CHEK2: variants seen among roughly 807,000 people sequenced by gnomAD.
CHEK2 encodes the protein checkpoint kinase 2, also known as serine/threonine-protein kinase Chk2.
CHEK2 carries 71 observed loss-of-function variants against 69.1 expected under a neutral mutation model. That is an observed-to-expected ratio of 1.03 (90% CI 0.85 to 1.25). The LOEUF is 1.25. Ranked by LOEUF, CHEK2 falls within the 50% of genes most tolerant of loss-of-function variation. The pLI is 0.00. For synonymous variants in CHEK2, 189 were observed against 226.9 expected (o/e 0.83, Z 1.50); for missense variants, 664 against 649.6 (o/e 1.02, Z -0.24).
At chr22:28,721,281 GTT>G (rs755378917) in intron 4 of CHEK2, among the ~76,000 whole-genome samples, 18 of 109,932 alleles carry the variant, frequency 1.6e-4, no homozygotes, top group African/African-American at 3.8e-4. Flanking sequence ...GTTTGTTTGG[GTT>G]TTTTTTTTTT....
intron 8 of CHEK2, 91 bp downstream of exon 8, chr22:28,703,414 G>T: frequency 1.3e-6 from 1 of 759,396 alleles, no homozygotes; most frequent in Non-Finnish European, 2.3e-6. Flanking sequence ...AGGCCCCCCA[G>T]GATGAGAAAG....
At chr22:28,698,228 T>TAAAAAAAAAA (rs398040472) in intron 9 of CHEK2, among the ~76,000 whole-genome samples, 38 of 81,892 alleles carry the variant, frequency 4.6e-4, no homozygotes, top group South Asian at 7.2e-4. Flanking sequence ...CTATCTTTAC[T>TAAAAAAAAAA]AAAAAAAAAA....
At chr22:28,694,758 G>A (rs2052497183) in intron 12 of CHEK2, among the ~76,000 whole-genome samples, 1 of 152,138 alleles carries the variant, frequency 6.6e-6, no homozygotes, top group African/African-American at 2.4e-5. Flanking sequence ...AGGAAACCTT[G>A]TAACTAAAAA....
intron 8 of CHEK2, among the ~76,000 whole-genome samples, chr22:28,702,362 C>T (rs995747763): frequency 1.3e-5 from 2 of 151,388 alleles, no homozygotes; most frequent in Admixed American, 1.3e-4. Context: ...CCTCAGCCTC[C>T]CGAGTAGCTG....
intron 2 of CHEK2, 43 bp from the exon 3 acceptor site, chr22:28,725,410 G>T: frequency 6.2e-7 from 1 of 1,612,768 alleles, no homozygotes; most frequent in Admixed American, 1.7e-5. Flanking sequence ...TGAATTTCAT[G>T]TATCAAACGT....
At chr22:28,724,942 A>C (rs149092712) in intron 4 of CHEK2, 35 bp downstream of exon 4, 23 of 1,612,594 alleles carry the variant, frequency 1.4e-5, no homozygotes, top group Non-Finnish European at 1.8e-5. Flanking sequence ...GAGTGGAAAA[A>C]AAAAATTCCA....
At chr22:28,712,227 T>C in intron 5 of CHEK2, 1 of 588,390 alleles carries the variant, frequency 1.7e-6, no homozygotes, top group Admixed American at 2.9e-5. Context: ...CCAAATTCCA[T>C]TTCTGAGCCC....
chr22:28,706,905 G>A (rs2053174611), intron 7 of CHEK2, among the ~76,000 whole-genome samples: 1 of 152,126 alleles, frequency 6.6e-6, no homozygotes, highest in African/African-American at 2.4e-5. Context: ...AACAGACGGA[G>A]ACTCCATCTC....
intron 2 of CHEK2, among the ~76,000 whole-genome samples, chr22:28,727,743 C>T (rs1475155455): frequency 1.3e-5 from 2 of 152,146 alleles, no homozygotes; most frequent in African/African-American, 4.8e-5. Context: ...CTGGCTCAAA[C>T]ATATGAAAGG....
In CHEK2 at chr22:28,725,372, A is replaced by T. The variant is rs121908700; in HGVS notation, c.320-5T>A. The T allele has an allele frequency of 5.8e-4, 934 of 1,614,106 alleles. 2 individuals are homozygous for T. The highest frequency in any genetic ancestry group is 8.2e-4 in the Admixed American group (49 of 60,014). On this transcript the variant is annotated splice_polypyrimidine_tract_variant and splice_region_variant and intron_variant, in intron 2 of 14. Coordinates refer to ENST00000404276, the MANE Select transcript of CHEK2 (RefSeq NM_007194.4). ...AGTAGTTGTCATTCACACATTCTGT[A>T]ATATAAAAGCATGCATCAGAGGGCT...
intron 5 of CHEK2, among the ~76,000 whole-genome samples, chr22:28,717,614 G>T (rs1179430089): frequency 1.3e-5 from 2 of 151,682 alleles, no homozygotes; most frequent in Non-Finnish European, 2.9e-5. Flanking sequence ...GGTGGCTCAC[G>T]CCTATAATCC....
intron 2 of CHEK2, among the ~76,000 whole-genome samples, chr22:28,730,971 A>T (rs2054197768): frequency 6.6e-6 from 1 of 152,212 alleles, no homozygotes; most frequent in Non-Finnish European, 1.5e-5. Flanking sequence ...TGGGAAGCCA[A>T]GATGGATGTA....
chr22:28,717,735 G>C (rs368685030), intron 5 of CHEK2, among the ~76,000 whole-genome samples: 42 of 151,510 alleles, frequency 2.8e-4, no homozygotes, highest in African/African-American at 8.2e-4. Flanking sequence ...AAATTAGCTG[G>C]GTGTGTGGTG....
intron 1 of CHEK2, among the ~76,000 whole-genome samples, chr22:28,740,228 G>A (rs1007611456): frequency 1.3e-5 from 2 of 152,158 alleles, no homozygotes; most frequent in Non-Finnish European, 2.9e-5. Flanking sequence ...AACCAGATAA[G>A]GATATAAATA....
chr22:28,700,840 A>G (rs1031093273), intron 8 of CHEK2, among the ~76,000 whole-genome samples: 8 of 152,022 alleles, frequency 5.3e-5, no homozygotes, highest in African/African-American at 1.9e-4. Flanking sequence ...CCCAGGCTGG[A>G]ATGCAATGGC....
rs2052562867 is a variant in CHEK2 at position 28,695,834 on chromosome 22, A to G, written c.1135T>C (p.Ser379Pro). The G allele has an allele frequency of 6.2e-7, 1 of 1,613,820 alleles. No homozygotes were observed. The highest frequency in any genetic ancestry group is 1.1e-5 in the South Asian group (1 of 91,064). ...FGHSKILGETSLMRTLCGTPT... is the reference protein window; with the variant it reads ...FGHSKILGETPLMRTLCGTPT... ...GTTCCACATAAGGTTCTCATGAGAG[A>G]GGTCTCTCCCAAAATCTTGGAGTGC... The change falls in exon 11 of 15, where the codon TCT (serine) becomes CCT (proline). Residue 379 changes from serine to proline, a missense_variant. Ser to Pro is a moderately conservative substitution (Grantham distance 74, BLOSUM62 -1). Transcript: ENST00000404276.
chr22:28,718,883 A>AACACACACACAC (rs144577000), intron 5 of CHEK2, among the ~76,000 whole-genome samples: 81 of 140,546 alleles, frequency 5.8e-4, no homozygotes, highest in Non-Finnish European at 9.0e-4. Flanking sequence ...CTCTGACACT[A>AACACACACACAC]ACACACACAC....
At chr22:28,700,031 A>T in intron 8 of CHEK2, 94 bp from the exon 9 acceptor site, 1 of 800,752 alleles carries the variant, frequency 1.2e-6, no homozygotes, top group Non-Finnish European at 2.1e-6. Context: ...CATTAAGACA[A>T]GCAAACAGTT....
chr22:28,715,167 TATC>T (rs1403723321), intron 5 of CHEK2, among the ~76,000 whole-genome samples: 1 of 152,074 alleles, frequency 6.6e-6, no homozygotes, highest in Non-Finnish European at 1.5e-5. Flanking sequence ...ACAAAGAAAA[TATC>T]ATTCTGCAGC....
Sources: gnomAD v4.1 joint callset for allele counts (sites outside exome capture counted in the v4.1 genomes callset) on GRCh38, gnomAD v4.1.1 for gene constraint, MANE v1.5 for transcripts, NCBI Gene and HGNC (gene_info 2026-07-23, HGNC 2026-07-21) for gene names.